The following KCNH1 variants were observed in gnomAD, a reference collection of about 807,000 sequenced individuals.
KCNH1 encodes the protein potassium voltage-gated channel subfamily H member 1, also known as voltage-gated delayed rectifier potassium channel KCNH1.
Under a neutral mutation model 69.2 loss-of-function variants are expected in KCNH1, and 27 were observed. The observed-to-expected ratio is 0.39, with a 90% CI of 0.29 to 0.54. The LOEUF is 0.54. Ranked by LOEUF, KCNH1 falls within the 20% of genes least tolerant of loss-of-function variation. The pLI, the probability that KCNH1 is intolerant of heterozygous loss-of-function variation, is 0.68. For missense variants in KCNH1, 798 were observed against 1,261.6 expected, an observed-to-expected ratio of 0.63 and a Z score of 5.57; for synonymous variants, 456 against 487.7, an observed-to-expected ratio of 0.93 and a Z score of 0.86.
chr1:210,853,189 G>C (rs1248326991), intron 7 of KCNH1, among the ~76,000 whole-genome samples: 1 of 152,146 alleles, frequency 6.6e-6, no homozygotes, highest in African/African-American at 2.4e-5. Context: ...GTAAACTTTT[G>C]TTCCTTTTTG....
chr1:210,728,638 C>T (rs1454474560), intron 10 of KCNH1, among the ~76,000 whole-genome samples: 2 of 152,222 alleles, frequency 1.3e-5, no homozygotes, highest in African/African-American at 4.8e-5. Context: ...CCAGCACACA[C>T]ACACGTGCTT....
intron 10 of KCNH1, among the ~76,000 whole-genome samples, chr1:210,684,784 A>G (rs114339081): frequency 0.013 from 2,038 of 152,328 alleles, 58 homozygotes; most frequent in African/African-American, 0.046. Flanking sequence ...TGTAAAGTTG[A>G]ACATAAACTT....
At chr1:210,788,686 T>TAAAAGTGCGGACTTAGTTTAATTGC (rs1684152942) in intron 9 of KCNH1, among the ~76,000 whole-genome samples, 1 of 6,460 alleles carries the variant, frequency 1.5e-4, no homozygotes, top group Admixed American at 1.6e-3. Flanking sequence ...AGCTTCTTTC[T>TAAAAGTGCGGACTTAGTTTAATTGC]TTTTTTTTTT....
At chr1:210,918,135 A>C (rs1236762356) in intron 7 of KCNH1, among the ~76,000 whole-genome samples, 1 of 152,174 alleles carries the variant, frequency 6.6e-6, no homozygotes, top group East Asian at 1.9e-4. Flanking sequence ...ACTGTTGCAA[A>C]AAAGGAGGTA....
intron 5 of KCNH1, among the ~76,000 whole-genome samples, chr1:211,074,088 TCCA>T (rs1482246756): frequency 7.8e-6 from 1 of 128,252 alleles, no homozygotes; most frequent in African/African-American, 2.8e-5. Context: ...TTTCATTCAT[TCCA>T]CCAATTAAAA....
Position 211,031,069 on chromosome 1 carries a change from A to AT in KCNH1, c.559-11814dup, listed in dbSNP as rs200023915. Reference sequence around the variant, plus strand: ...CTACACACCTATTAAAATGGCTAAAATTTTTTTTAAAAGGGACAACACCTT... The same window carrying AT: ...CTACACACCTATTAAAATGGCTAAAATTTTTTTTTAAAAGGGACAACACCTT... On this transcript the variant is annotated intron_variant, in intron 5 of 10. Coordinates refer to ENST00000271751, the MANE Select transcript of KCNH1 (RefSeq NM_172362.3). 5.1e-3 allele frequency among the ~76,000 whole-genome samples: 775 copies of AT among 152,142 alleles called. 10 individuals are homozygous for AT. The highest frequency in any genetic ancestry group is 0.018 in the African/African-American group (735 of 41,534).
chr1:210,756,044 C>T (rs1226832386), intron 10 of KCNH1, among the ~76,000 whole-genome samples: 5 of 152,158 alleles, frequency 3.3e-5, no homozygotes, highest in Non-Finnish European at 7.4e-5. Context: ...AGCTATGGAA[C>T]CCCTCATGGT....
chr1:210,778,284 C>T (rs1027782702), intron 9 of KCNH1, among the ~76,000 whole-genome samples: 1 of 152,150 alleles, frequency 6.6e-6, no homozygotes, highest in African/African-American at 2.4e-5. Context: ...GTTTGCTACA[C>T]AGCAATAGAT....
intron 1 of KCNH1, among the ~76,000 whole-genome samples, chr1:211,123,360 A>C (rs1258506489): frequency 6.6e-6 from 1 of 152,206 alleles, no homozygotes; most frequent in Non-Finnish European, 1.5e-5. Flanking sequence ...CTTGTTTCTA[A>C]GGTGAGTAAA....
chr1:210,904,761 T>G (rs1366437176), intron 7 of KCNH1, among the ~76,000 whole-genome samples: 5 of 152,216 alleles, frequency 3.3e-5, no homozygotes, highest in Non-Finnish European at 4.4e-5. Context: ...CAGCACTTGC[T>G]ATCTGCCAGG....
At chr1:211,030,942 A>G (rs1689771723) in intron 5 of KCNH1, among the ~76,000 whole-genome samples, 2 of 152,180 alleles carry the variant, frequency 1.3e-5, no homozygotes, top group South Asian at 4.1e-4. Flanking sequence ...ATAAACAGAC[A>G]TTTACCCAAA....
chr1:211,078,524 T>C (rs1690779639), intron 5 of KCNH1, among the ~76,000 whole-genome samples: 1 of 152,088 alleles, frequency 6.6e-6, no homozygotes, highest in Non-Finnish European at 1.5e-5. Context: ...GACTACTGGG[T>C]GCATAACGAA....
intron 6 of KCNH1, among the ~76,000 whole-genome samples, chr1:210,954,173 G>A (rs1474893428): frequency 6.6e-6 from 1 of 151,786 alleles, no homozygotes; most frequent in African/African-American, 2.4e-5. Context: ...TTCTGTCCTT[G>A]TGACAGTTTG....
chr1:210,994,178 G>T (rs1213021822), intron 6 of KCNH1, among the ~76,000 whole-genome samples: 1 of 152,110 alleles, frequency 6.6e-6, no homozygotes, highest in South Asian at 2.1e-4. Context: ...ATACTCAAAT[G>T]ATGATACCAC....
At chr1:210,953,036 C>G (rs909742986) in intron 6 of KCNH1, among the ~76,000 whole-genome samples, 1 of 152,112 alleles carries the variant, frequency 6.6e-6, no homozygotes, top group Non-Finnish European at 1.5e-5. Context: ...AAAAGGTACC[C>G]CAGCTTTTAT....
chr1:210,865,837 G>A (rs938793881), intron 7 of KCNH1, among the ~76,000 whole-genome samples: 3 of 152,094 alleles, frequency 2.0e-5, no homozygotes, highest in Admixed American at 2.0e-4. Context: ...TTTGAAACTT[G>A]GCCTAGATTG....
At chr1:210,835,607 A>C (rs963779073) in intron 7 of KCNH1, among the ~76,000 whole-genome samples, 1 of 152,150 alleles carries the variant, frequency 6.6e-6, no homozygotes, top group Non-Finnish European at 1.5e-5. Context: ...AGTAATTTAG[A>C]CCATACCAAC....
intron 7 of KCNH1, among the ~76,000 whole-genome samples, chr1:210,884,808 C>T (rs938269067): frequency 6.6e-6 from 1 of 152,204 alleles, no homozygotes; most frequent in African/African-American, 2.4e-5. Flanking sequence ...TACCGCGATT[C>T]CTGAACTGAT....
At chr1:210,986,843 T>C (rs1558555262) in intron 6 of KCNH1, among the ~76,000 whole-genome samples, 1 of 152,256 alleles carries the variant, frequency 6.6e-6, no homozygotes, top group Non-Finnish European at 1.5e-5. Flanking sequence ...CTTGCTAGAT[T>C]GGGGAAGTTC....
Sources: gnomAD v4.1 joint callset for allele counts (sites outside exome capture counted in the v4.1 genomes callset) on GRCh38, gnomAD v4.1.1 for gene constraint, MANE v1.5 for transcripts, NCBI Gene and HGNC (gene_info 2026-07-23, HGNC 2026-07-21) for gene names.